FAT3: variants seen among roughly 807,000 people sequenced by gnomAD.
FAT3 encodes protocadherin Fat 3.
A neutral mutation model predicts 310.2 loss-of-function variants in FAT3; 95 were observed. That is an observed-to-expected ratio of 0.31 (90% CI 0.26 to 0.36). FAT3 has a LOEUF of 0.36. Among genes scored for constraint, FAT3 ranks in the 10% least tolerant of loss-of-function variants. FAT3 has a pLI of 1.00. For synonymous variants in FAT3, 2,314 were observed against 2,192.9 expected (o/e 1.06, Z -1.54); for missense variants, 5,408 against 5,715.6 (o/e 0.95, Z 1.74).
At chr11:92,608,465 C>T (rs1396554900) in intron 3 of FAT3, among the ~76,000 whole-genome samples, 1 of 151,990 alleles carries the variant, frequency 6.6e-6, no homozygotes, top group Non-Finnish European at 1.5e-5. Flanking sequence ...AATGGAAAAA[C>T]CTGCTTGGGT....
At chr11:92,684,817 T>G (rs1267333780) in intron 3 of FAT3, among the ~76,000 whole-genome samples, 1 of 152,182 alleles carries the variant, frequency 6.6e-6, no homozygotes, top group Non-Finnish European at 1.5e-5. Flanking sequence ...TCAATGATTC[T>G]CTCATTTGAT....
intron 22 of FAT3, among the ~76,000 whole-genome samples, chr11:92,870,175 A>G (rs1949351369): frequency 6.6e-6 from 1 of 152,216 alleles, no homozygotes; most frequent in Non-Finnish European, 1.5e-5. Context: ...TACATTCAGA[A>G]TTGTTAAAGC....
intron 2 of FAT3, among the ~76,000 whole-genome samples, chr11:92,390,023 T>C (rs1037658060): frequency 6.6e-6 from 1 of 152,068 alleles, no homozygotes; most frequent in Non-Finnish European, 1.5e-5. Flanking sequence ...AGCCTGTTTT[T>C]TTTTTAAACT....
At chr11:92,521,939 C>T (rs1019915052) in intron 2 of FAT3, among the ~76,000 whole-genome samples, 14 of 152,020 alleles carry the variant, frequency 9.2e-5, no homozygotes, top group Admixed American at 8.5e-4. Flanking sequence ...CATTTATCCC[C>T]TCAGTACAGA....
chr11:92,811,429 C>G (rs1361094222), intron 13 of FAT3, among the ~76,000 whole-genome samples: 1 of 152,126 alleles, frequency 6.6e-6, no homozygotes, highest in African/African-American at 2.4e-5. Flanking sequence ...GGCTACTAGA[C>G]TGGACATGGA....
intron 21 of FAT3, among the ~76,000 whole-genome samples, chr11:92,863,100 T>C (rs1395238773): frequency 6.6e-6 from 1 of 152,172 alleles, no homozygotes; most frequent in Non-Finnish European, 1.5e-5. Flanking sequence ...AATAGGTTTT[T>C]GTATTTTTGT....
chr11:92,306,987 C>T lies in FAT3; in HGVS notation c.-17-45109C>T, dbSNP rs546195107. Among the ~76,000 whole-genome samples, 16 of 149,984 alleles carry T rather than the reference C, an allele frequency of 1.1e-4. No homozygotes were observed. In the Admixed American group the frequency reaches 1.1e-3, roughly 10 times the overall value. ...TTTTTAATTTTATTTGTAGTAGAGA[C>T]AGTTTCTCTATGTTGCCCAGGCTGA... On this transcript the variant is annotated intron_variant, in intron 1 of 27. Transcript: ENST00000525166.
intron 3 of FAT3, among the ~76,000 whole-genome samples, chr11:92,577,969 T>C (rs1401862231): frequency 6.6e-6 from 1 of 151,984 alleles, no homozygotes; most frequent in African/African-American, 2.4e-5. Flanking sequence ...AAAACTGAAC[T>C]AGAAAATACA....
chr11:92,886,929 G>A, intron 24 of FAT3, 71 bp from the exon 25 acceptor site: 2 of 1,195,102 alleles, frequency 1.7e-6, no homozygotes, highest in Non-Finnish European at 2.4e-6. Context: ...AGCTGAGAGG[G>A]GTGGGTGGGA....
chr11:92,835,099 T>A lies in FAT3; in HGVS notation c.10086+15T>A. ...CTGTCATTTTGGTAGGTACCTGGGGTTGGGGATGGTTCTAGATGTTTGGGA... is the reference window on the plus strand; with the variant it reads ...CTGTCATTTTGGTAGGTACCTGGGGATGGGGATGGTTCTAGATGTTTGGGA... On this transcript the variant is annotated intron_variant, in intron 15 of 27. Transcript: ENST00000525166. The A allele has an allele frequency of 6.2e-7, 1 of 1,605,380 alleles. No individual in the cohort carries two copies. Among genetic ancestry groups the A allele is most frequent in the Non-Finnish European group, 8.5e-7 (1 of 1,175,208 alleles).
At chr11:92,713,451 G>A (rs1307856612) in intron 4 of FAT3, among the ~76,000 whole-genome samples, 1 of 152,108 alleles carries the variant, frequency 6.6e-6, no homozygotes, top group Non-Finnish European at 1.5e-5. Flanking sequence ...TCTTAACCCT[G>A]ATGGGCTGGC....
chr11:92,683,586 C>G (rs557936229), intron 3 of FAT3, among the ~76,000 whole-genome samples: 8 of 152,282 alleles, frequency 5.3e-5, no homozygotes, highest in Admixed American at 1.3e-4. Flanking sequence ...TAATTTCACC[C>G]GATCCTCTAA....
intron 3 of FAT3, among the ~76,000 whole-genome samples, chr11:92,590,750 G>T (rs1046705393): frequency 6.6e-5 from 10 of 152,300 alleles, no homozygotes; most frequent in Admixed American, 1.3e-4. Context: ...GCTGGGCATA[G>T]TTTGCTGATG....
chr11:92,710,993 T>G lies in FAT3; in HGVS notation c.3669+13548T>G, dbSNP rs543721317. ...TCCGATTATAGAAATATGAGAATCATGTAACTATGATCATATATGATACAT... is the reference window on the plus strand; with the variant it reads ...TCCGATTATAGAAATATGAGAATCAGGTAACTATGATCATATATGATACAT... On this transcript the variant is annotated intron_variant, in intron 4 of 27. Coordinates refer to ENST00000525166, the MANE Select transcript of FAT3 (RefSeq NM_001367949.2). Among the ~76,000 whole-genome samples, 6 of 152,322 alleles carry G rather than the reference T, an allele frequency of 3.9e-5. No individual in the cohort carries two copies. In the South Asian group the frequency reaches 1.0e-3, roughly 26 times the overall value.
At chr11:92,475,590 C>T (rs986520271) in intron 2 of FAT3, among the ~76,000 whole-genome samples, 5 of 151,754 alleles carry the variant, frequency 3.3e-5, no homozygotes, top group African/African-American at 1.2e-4. Context: ...TTAGAAACTA[C>T]TGACATTCTT....
At chr11:92,542,990 A>G (rs1024628493) in intron 3 of FAT3, among the ~76,000 whole-genome samples, 7 of 152,168 alleles carry the variant, frequency 4.6e-5, no homozygotes, top group Non-Finnish European at 7.4e-5. Flanking sequence ...AATACCATTC[A>G]GCTGTAAAAA....
intron 3 of FAT3, among the ~76,000 whole-genome samples, chr11:92,582,698 C>G (rs1384178975): frequency 6.6e-6 from 1 of 151,978 alleles, no homozygotes; most frequent in African/African-American, 2.4e-5. Context: ...AAGTAAGATG[C>G]TGCATACTGT....
chr11:92,330,531 A>G (rs1226926398), intron 1 of FAT3, among the ~76,000 whole-genome samples: 1 of 152,194 alleles, frequency 6.6e-6, no homozygotes, highest in East Asian at 1.9e-4. Context: ...GGTTGGGGAG[A>G]AGGAGCAAAG....
In FAT3 at chr11:92,883,383, G is replaced by A. The variant is rs763573249; in HGVS notation, c.12927G>A (p.Ala4309=). 14 of 1,601,454 alleles carry A rather than the reference G, an allele frequency of 8.7e-6. No homozygotes were observed. The South Asian group carries it at 1.0e-4, about 11-fold the overall frequency. ...CCATCCGGAAGAATGGCTGGGACGC[G>A]GGAACTGAGAGTGAGTAGGAAGTGG... is the stretch of plus-strand genomic sequence containing the variant. The part of the protein sequence containing the change: ...CDSIRKNGWD[A]GTENKGVDDP... Residue 4309 remains alanine, a synonymous_variant, in exon 24 of 28, where the codon GCG becomes GCA. Transcript: ENST00000525166. The surrounding 1 kb of genome is among the most constrained non-coding windows in gnomAD (Gnocchi z 4.2).
Sources: gnomAD v4.1 joint callset for allele counts (sites outside exome capture counted in the v4.1 genomes callset) on GRCh38, gnomAD v4.1.1 for gene constraint, Gnocchi (gnomAD v3.1) non-coding constraint, MANE v1.5 for transcripts, NCBI Gene and HGNC (gene_info 2026-07-23, HGNC 2026-07-21) for gene names.